Variants in ATL3 observed in about 807,000 individuals in gnomAD.
The protein encoded by ATL3 is atlastin GTPase 3.
Under a neutral mutation model 69.5 loss-of-function variants are expected in ATL3, and 49 were observed. The observed-to-expected ratio is 0.71, with a 90% CI of 0.56 to 0.89. The LOEUF (loss-of-function observed/expected upper bound fraction) is 0.89. Ranked by LOEUF, ATL3 falls within the 40% of genes least tolerant of loss-of-function variation. The pLI is 0.00. For missense variants in ATL3, 606 were observed against 645.7 expected (o/e 0.94, Z 0.67); for synonymous variants, 214 against 224.1 (o/e 0.95, Z 0.40).
At position 63,636,285 on chromosome 11, in the gene ATL3, T is replaced by C. The variant is rs1301093235; in HGVS notation, c.900A>G (p.Val300=). The change falls in exon 9 of 13, where the codon GTA becomes GTG. Residue 300 remains valine, a synonymous_variant. Coordinates refer to ENST00000398868, the MANE Select transcript of ATL3 (RefSeq NM_015459.5). Reference sequence around the variant, plus strand: ...TTTCCATTAACTTAGATGGGTTTAATACATACGGTATCAGTGCCTGTAACT... The same window carrying C: ...TTTCCATTAACTTAGATGGGTTTAACACATACGGTATCAGTGCCTGTAACT... ...KEQLQALIPY[V]LNPSKLMEKE... 3 of 1,614,052 alleles carry C rather than the reference T, an allele frequency of 1.9e-6. No homozygotes were observed. Among genetic ancestry groups the C allele is most frequent in the Non-Finnish European group, 2.5e-6 (3 of 1,180,038 alleles).
chr11:63,639,322 G>C (rs1243896536), intron 8 of ATL3, among the ~76,000 whole-genome samples: 1 of 152,190 alleles, frequency 6.6e-6, no homozygotes, highest in African/African-American at 2.4e-5. Context: ...CCTTTGCAGA[G>C]CTAGTAAGAA....
At chr11:63,671,775 C>T (rs1940797079), upstream of ATL3, 1 of 1,168,604 alleles carries the variant, frequency 8.6e-7, no homozygotes, top group Non-Finnish European at 1.1e-6. Flanking sequence ...ACTACAACTC[C>T]CAGCAGGCTG....
chr11:63,666,532 GT>G (rs1940576989), intron 1 of ATL3, among the ~76,000 whole-genome samples: 1 of 151,760 alleles, frequency 6.6e-6, no homozygotes. Flanking sequence ...GGCATGTCTA[GT>G]TTTCAGTTTC....
intron 8 of ATL3, among the ~76,000 whole-genome samples, chr11:63,640,594 C>CTTTTTT (rs1172516886): frequency 2.4e-5 from 2 of 84,346 alleles, no homozygotes; most frequent in African/African-American, 5.4e-5. Context: ...ACCATAGTAT[C>CTTTTTT]TTTTTTTTTT....
chr11:63,654,148 TG>T (rs1308640387), intron 3 of ATL3, among the ~76,000 whole-genome samples: 20 of 150,772 alleles, frequency 1.3e-4, no homozygotes, highest in Non-Finnish European at 1.5e-4. Flanking sequence ...AGATACAATT[TG>T]TTTTTTTTTT....
intron 5 of ATL3, 31 bp downstream of exon 5, chr11:63,651,905 T>A: frequency 6.4e-7 from 1 of 1,572,924 alleles, no homozygotes; most frequent in Non-Finnish European, 8.6e-7. Flanking sequence ...TTAAATAATA[T>A]GATGTTAAAA....
chr11:63,646,698 C>A, intron 5 of ATL3, 135 bp from the exon 6 acceptor site: 1 of 504,238 alleles, frequency 2.0e-6, no homozygotes, highest in Non-Finnish European at 3.6e-6. Flanking sequence ...GAGTCATGAA[C>A]CTTAAAATCA....
At chr11:63,630,530 G>A (rs913560384) in intron 12 of ATL3, among the ~76,000 whole-genome samples, 2 of 151,782 alleles carry the variant, frequency 1.3e-5, no homozygotes, top group Non-Finnish European at 2.9e-5. Context: ...GGGCACGGTG[G>A]CTCACACCTG....
chr11:63,669,434 C>G (rs1252509834), intron 1 of ATL3, among the ~76,000 whole-genome samples: 1 of 151,598 alleles, frequency 6.6e-6, no homozygotes, highest in Non-Finnish European at 1.5e-5. Context: ...ACCTGGGAGG[C>G]TGCGGCAGGA....
At chr11:63,630,800 C>A (rs1339159109) in intron 12 of ATL3, among the ~76,000 whole-genome samples, 73 of 109,888 alleles carry the variant, frequency 6.6e-4, no homozygotes, top group African/African-American at 2.0e-3. Context: ...GACTTTGTCT[C>A]AAAAAAAAAA....
chr11:63,648,799 ACT>A (rs1459391457), intron 5 of ATL3, among the ~76,000 whole-genome samples: 1 of 149,944 alleles, frequency 6.7e-6, no homozygotes, highest in Non-Finnish European at 1.5e-5. Context: ...GCAGAGTGAG[ACT>A]CTGTCTCTAA....
intron 1 of ATL3, among the ~76,000 whole-genome samples, chr11:63,661,071 A>G (rs1304679970): frequency 1.3e-5 from 2 of 151,696 alleles, no homozygotes; most frequent in Admixed American, 1.3e-4. Context: ...AAAAAAAAAA[A>G]AATTAGCCAT....
At chr11:63,671,695 G>A (rs1940793789), upstream of ATL3, 1 of 1,311,510 alleles carries the variant, frequency 7.6e-7, no homozygotes, top group Non-Finnish European at 9.9e-7. Flanking sequence ...CGCTCACTGG[G>A]TCCCGGCCAG....
intron 1 of ATL3, among the ~76,000 whole-genome samples, chr11:63,668,927 C>T (rs1242165435): frequency 6.7e-6 from 1 of 149,762 alleles, no homozygotes; most frequent in Non-Finnish European, 1.5e-5. Flanking sequence ...TGGGCTCACT[C>T]CATCCTCTCA....
chr11:63,666,965 T>C (rs551711296), intron 1 of ATL3, among the ~76,000 whole-genome samples: 1 of 152,346 alleles, frequency 6.6e-6, no homozygotes, highest in East Asian at 1.9e-4. Context: ...TTTATGTGAA[T>C]TTACAACATA....
At chr11:63,651,843 A>G in intron 5 of ATL3, 93 bp downstream of exon 5, 1 of 1,468,802 alleles carries the variant, frequency 6.8e-7, no homozygotes, top group Non-Finnish European at 9.0e-7. Flanking sequence ...CTACATTTCA[A>G]TCTTTTGCTA....
intron 3 of ATL3, among the ~76,000 whole-genome samples, chr11:63,654,757 C>T (rs1408108757): frequency 1.4e-5 from 2 of 144,466 alleles, no homozygotes; most frequent in African/African-American, 5.1e-5. Flanking sequence ...AGTGCAATGG[C>T]GCAACCTCGG....
chr11:63,635,306 C>T lies in ATL3; in HGVS notation c.1035+228G>A, dbSNP rs146755935. ...AGTGTGTTTGGTGAAAAGACTAGGC[C>T]CAGTGAGGAGAGGCCATTTCGTTTT... On this transcript the variant is annotated intron_variant, in intron 10 of 12. Coordinates refer to ENST00000398868, the MANE Select transcript of ATL3 (RefSeq NM_015459.5). Among the ~76,000 whole-genome samples the T allele has an allele frequency of 6.7e-3, 1,016 of 152,040 alleles. 9 individuals are homozygous for T. Among genetic ancestry groups the T allele is most frequent in the Non-Finnish European group, 0.011 (767 of 67,976 alleles).
chr11:63,640,472 C>T (rs749294437), intron 8 of ATL3, among the ~76,000 whole-genome samples: 20 of 150,302 alleles, frequency 1.3e-4, no homozygotes, highest in Non-Finnish European at 2.4e-4. Context: ...TTTTTTTTAG[C>T]GATGGGGGGG....
Sources: gnomAD v4.1 joint callset for allele counts (sites outside exome capture counted in the v4.1 genomes callset) on GRCh38, gnomAD v4.1.1 for gene constraint, MANE v1.5 for transcripts, NCBI Gene and HGNC (gene_info 2026-07-23, HGNC 2026-07-21) for gene names.